The following GDAP1 variants were observed in gnomAD, a reference collection of about 807,000 sequenced individuals.
The protein encoded by GDAP1 is ganglioside induced differentiation associated protein 1.
Under a neutral mutation model 40.1 loss-of-function variants are expected in GDAP1, and 34 were observed. That is an observed-to-expected ratio of 0.85 (90% confidence interval 0.64 to 1.13). The LOEUF is 1.13. GDAP1 is among the 50% of genes most tolerant of loss of function. The pLI is 0.00. For missense variants in GDAP1, 374 were observed against 433.7 expected, an observed-to-expected ratio of 0.86 and a Z score of 1.22; for synonymous variants, 170 against 157.4, an observed-to-expected ratio of 1.08 and a Z score of -0.60.
intron 2 of GDAP1, among the ~76,000 whole-genome samples, chr8:74,382,715 C>A (rs1287714188): frequency 6.6e-6 from 1 of 151,914 alleles, no homozygotes; most frequent in African/African-American, 2.4e-5. Flanking sequence ...AAGGCTGGAG[C>A]TTTTGTTCTC....
downstream of GDAP1, among the ~76,000 whole-genome samples, chr8:74,369,487 T>C (rs1014021906): frequency 2.6e-5 from 4 of 152,102 alleles, no homozygotes; most frequent in Admixed American, 2.0e-4. Flanking sequence ...TTGGATGGGC[T>C]TCACAGCAGA....
intron 2 of GDAP1, among the ~76,000 whole-genome samples, chr8:74,392,357 T>C (rs1272465334): frequency 3.9e-5 from 6 of 152,206 alleles, no homozygotes; most frequent in African/African-American, 1.2e-4. Context: ...ACTATAACAA[T>C]TTTTGATGTC....
At chr8:74,468,524 CAT>C (rs1354007178) in intron 2 of GDAP1, among the ~76,000 whole-genome samples, 36 of 132,540 alleles carry the variant, frequency 2.7e-4, no homozygotes, top group Admixed American at 3.8e-4. Context: ...CACACACACA[CAT>C]GAATGTGTAT....
At chr8:74,361,470 C>T (rs1289336725) in intron 3 of GDAP1, among the ~76,000 whole-genome samples, 1 of 151,932 alleles carries the variant, frequency 6.6e-6, no homozygotes, top group East Asian at 1.9e-4. Context: ...CATCTCGGCT[C>T]ACTGCAACCT....
At position 74,399,202 on chromosome 8, in the gene GDAP1, T is replaced by TCAAAGAATGTAAGATAAACACATGA. The variant is rs1563458044; in HGVS notation, c.165+47881_165+47882insCAAAGAATGTAAGATAAACACATGA. ...CCTGGACTCTTTTTGGTTGGTAAGC[T>TCAAAGAATGTAAGATAAACACATGA]ATTGATTATTCCCACAATTTCAGAT... On this transcript the variant is annotated intron_variant, in intron 2 of 2. Transcript: ENST00000523640. Among the ~76,000 whole-genome samples, 138 of 150,200 alleles carry TCAAAGAATGTAAGATAAACACATGA rather than the reference T, an allele frequency of 9.2e-4. 4 individuals are homozygous for TCAAAGAATGTAAGATAAACACATGA. The highest frequency in any genetic ancestry group is 3.3e-3 in the African/African-American group (130 of 39,512).
chr8:74,468,478 TACACACACACACAC>T (rs71271804), intron 2 of GDAP1, among the ~76,000 whole-genome samples: 1,966 of 139,102 alleles, frequency 0.014, 31 homozygotes, highest in African/African-American at 0.041. Flanking sequence ...AATGACCCCA[TACACACACACACAC>T]ACACACACAC....
chr8:74,352,752 C>A (rs1278955884), intron 2 of GDAP1, among the ~76,000 whole-genome samples: 4 of 152,084 alleles, frequency 2.6e-5, no homozygotes, highest in African/African-American at 4.8e-5. Flanking sequence ...ACAACTAGTT[C>A]ATTTAAGAGA....
intron 2 of GDAP1, among the ~76,000 whole-genome samples, chr8:74,431,531 G>GA (rs1461930949): frequency 2.0e-5 from 3 of 151,832 alleles, no homozygotes; most frequent in Admixed American, 2.0e-4. Flanking sequence ...ACCCAGGCTG[G>GA]AGCACAGTGG....
At chr8:74,465,311 C>T (rs192198864) in intron 2 of GDAP1, among the ~76,000 whole-genome samples, 86 of 152,236 alleles carry the variant, frequency 5.6e-4, no homozygotes, top group East Asian at 5.2e-3. Flanking sequence ...TTCAGGTAGG[C>T]GCACCCACTT....
At chr8:74,351,542 T>C in intron 2 of GDAP1, 76 bp downstream of exon 2, 3 of 1,038,370 alleles carry the variant, frequency 2.9e-6, no homozygotes, top group Non-Finnish European at 4.6e-6. Context: ...TTTTTCTCTC[T>C]CTCCTCTCTC....
intron 2 of GDAP1, among the ~76,000 whole-genome samples, chr8:74,406,418 C>A (rs1805641707): frequency 6.7e-6 from 1 of 150,240 alleles, no homozygotes; most frequent in South Asian, 2.1e-4. Context: ...AACACACATG[C>A]ACTTCTAACA....
Position 74,365,795 on chromosome 8 carries a change from A to G in GDAP1, c.*1428A>G, listed in dbSNP as rs1809601590. On this transcript the variant is annotated 3_prime_UTR_variant, in exon 6 of 6. Coordinates refer to ENST00000220822, the MANE Select transcript of GDAP1 (RefSeq NM_018972.4). ...ACTATATGTTCCCGATTTACAAAAA[A>G]ATTAATAAAACCTCCAGAGTAAACT... 1 of 453,536 alleles carries G rather than the reference A, an allele frequency of 2.2e-6. No individual in the cohort carries two copies. Among genetic ancestry groups the G allele is most frequent in the African/African-American group, 2.0e-5 (1 of 49,850 alleles). 28.1% of individuals were successfully genotyped at this position (453,536 alleles called of 1,614,324 possible). A position where few individuals can be genotyped will look rare whatever the true frequency, so the allele number is the denominator to read the frequency against.
intron 2 of GDAP1, among the ~76,000 whole-genome samples, chr8:74,477,512 G>A (rs1008196368): frequency 1.3e-5 from 2 of 151,854 alleles, no homozygotes; most frequent in Admixed American, 1.3e-4. Flanking sequence ...GTGGTATAAA[G>A]TGAACTCAGT....
intron 2 of GDAP1, among the ~76,000 whole-genome samples, chr8:74,357,048 T>G (rs753292985): frequency 5.3e-5 from 8 of 152,126 alleles, no homozygotes; most frequent in Non-Finnish European, 8.8e-5. Flanking sequence ...GCCTAGTGTG[T>G]GACTAGTTGA....
At chr8:74,381,768 A>G (rs1365085746) in intron 2 of GDAP1, among the ~76,000 whole-genome samples, 2 of 152,032 alleles carry the variant, frequency 1.3e-5, no homozygotes, top group Middle Eastern at 3.4e-3. Context: ...ATTAAAAAAA[A>G]AAAAAAAAAA....
At chr8:74,422,280 T>TC (rs1805870056) in intron 2 of GDAP1, among the ~76,000 whole-genome samples, 1 of 145,498 alleles carries the variant, frequency 6.9e-6, no homozygotes, top group African/African-American at 2.5e-5. Context: ...TTCTTTTCTT[T>TC]TTTCTTTTCT....
intron 2 of GDAP1, among the ~76,000 whole-genome samples, chr8:74,373,884 G>T (rs1021300517): frequency 1.3e-5 from 2 of 152,120 alleles, no homozygotes; most frequent in Non-Finnish European, 2.9e-5. Context: ...TATGATATTG[G>T]CTGTGGGTTT....
intron 2 of GDAP1, among the ~76,000 whole-genome samples, chr8:74,429,419 T>C (rs900837779): frequency 1.3e-5 from 2 of 152,248 alleles, no homozygotes; most frequent in African/African-American, 4.8e-5. Flanking sequence ...ATATTATTAA[T>C]TTGTTAAGGC....
chr8:74,398,959 T>C (rs1304767297), intron 2 of GDAP1, among the ~76,000 whole-genome samples: 1 of 152,178 alleles, frequency 6.6e-6, no homozygotes, highest in Admixed American at 6.5e-5. Context: ...GCCAGTATTT[T>C]ATTGAGGATT....
Sources: gnomAD v4.1 joint callset for allele counts (sites outside exome capture counted in the v4.1 genomes callset) on GRCh38, gnomAD v4.1.1 for gene constraint, MANE v1.5 for transcripts, NCBI Gene and HGNC (gene_info 2026-07-23, HGNC 2026-07-21) for gene names.